Variants in DMKN observed in about 807,000 individuals in gnomAD.
DMKN encodes epidermis-specific secreted protein SK30/SK89.
Under a neutral mutation model 67.6 loss-of-function variants are expected in DMKN, and 58 were observed. The observed-to-expected ratio is 0.86, with a 90% CI of 0.69 to 1.07. The LOEUF (loss-of-function observed/expected upper bound fraction) is 1.07. Among genes scored for constraint, DMKN ranks in the 50% least tolerant of loss-of-function variants. The pLI is 0.00. For missense variants in DMKN, 596 were observed against 601.5 expected (o/e 0.99, Z 0.10); for synonymous variants, 240 against 232.3 (o/e 1.03, Z -0.30).
intron 7 of DMKN, 52 bp from the exon 8 acceptor site, chr19:35,506,038 G>C: frequency 6.2e-7 from 1 of 1,613,728 alleles, no homozygotes; most frequent in Non-Finnish European, 8.5e-7. Context: ...TTGTGAGCCA[G>C]AGTCGGGAGA....
chr19:35,511,361 C>G, intron 5 of DMKN, 50 bp downstream of exon 5: 1 of 1,602,360 alleles, frequency 6.2e-7, no homozygotes, highest in South Asian at 1.1e-5. Context: ...CCGGCAGGGA[C>G]CACTAGGGCC....
intron 3 of DMKN, 39 bp from the exon 4 acceptor site, chr19:35,511,852 G>A (rs1159769342): frequency 5.0e-6 from 8 of 1,590,940 alleles, no homozygotes; most frequent in Non-Finnish European, 6.9e-6. Context: ...GGGACGGTGA[G>A]TTTGGAGACG....
chr19:35,511,477 GCCGCCAC>G lies in DMKN; in HGVS notation c.845_851del (p.Ser282ThrfsTer93). 1.1e-6 allele frequency: 1 copy of G among 942,318 alleles called. No individual in the cohort carries two copies. The highest frequency in any genetic ancestry group is 1.4e-6 in the Non-Finnish European group (1 of 704,942). 58.4% of individuals were successfully genotyped at this position (942,318 alleles called of 1,614,324 possible). On this transcript the variant is annotated frameshift_variant, in exon 5 of 16. Transcript: ENST00000339686. LOFTEE classifies it high-confidence loss of function. ...TGTTGCCACTGCTGCCACCACTGCT[GCCGCCAC>G]TGCTGCCGCCACTGCTGCTGCCACT...
Position 35,509,966 on chromosome 19 carries a change from C to T in DMKN, c.988-5G>A. The T allele has an allele frequency of 6.2e-7, 1 of 1,614,082 alleles. No individual in the cohort carries two copies. The highest frequency in any genetic ancestry group is 8.5e-7 in the Non-Finnish European group (1 of 1,179,974). ...TTCATTCCCTGGCTTTTCACACTGC[C>T]GGGGAGAGAAAGGGGAGACTTTCCC... On this transcript the variant is annotated splice_region_variant and splice_polypyrimidine_tract_variant and intron_variant, in intron 6 of 15. Transcript: ENST00000339686.
At chr19:35,508,938 C>T (rs1054352839) in intron 7 of DMKN, among the ~76,000 whole-genome samples, 9 of 151,974 alleles carry the variant, frequency 5.9e-5, no homozygotes, top group Admixed American at 2.0e-4. Context: ...TAGAAAAGTC[C>T]GAGTGCAGTA....
At position 35,507,197 on chromosome 19, in the gene DMKN, CA is replaced by C. The variant is rs2069725571; in HGVS notation, c.1039-1212del. 2.6e-5 allele frequency: 10 copies of C among 384,640 alleles called. No homozygotes were observed. The Middle Eastern group carries it at 1.7e-3, about 66-fold the overall frequency. 23.8% of individuals were successfully genotyped at this position (384,640 alleles called of 1,614,324 possible). A position where few individuals can be genotyped will look rare whatever the true frequency, so the allele number is the denominator to read the frequency against. ...CCCTAAGTATGGAAATCCCCTTGACCATTCTTCTGTTACTTTTATCTGTTTT... is the reference window on the plus strand; with the variant it reads ...CCCTAAGTATGGAAATCCCCTTGACCTTCTTCTGTTACTTTTATCTGTTTT... On this transcript the variant is annotated intron_variant, in intron 7 of 15. Transcript: ENST00000339686.
chr19:35,507,429 A>G (rs2069785268), intron 7 of DMKN: 2 of 1,546,732 alleles, frequency 1.3e-6, no homozygotes, highest in South Asian at 2.4e-5. Flanking sequence ...CCTTCTCCTA[A>G]AGCCAACCCT....
chr19:35,511,504 GCCACTGCTGCTGCCA>G lies in DMKN; in HGVS notation c.810_824del (p.Gly271_Gly275del). The stretch of plus-strand genomic sequence containing the variant: ...CGCCACTGCTGCCGCCACTGCTGCT[GCCACTGCTGCTGCCA>G]CCACTGCTGCTGCCATTGTTGTTGT... On this transcript the variant is annotated inframe_deletion, in exon 5 of 16. Coordinates refer to ENST00000339686, the MANE Select transcript of DMKN (RefSeq NM_033317.5). The G allele has an allele frequency of 9.9e-4, 1,098 of 1,112,156 alleles. 12 individuals are homozygous for G. The East Asian group carries it at 0.041, about 42-fold the overall frequency. The allele number at this position is 1,112,156 out of a possible 1,614,324, so 68.9% of individuals were successfully genotyped here. A position where few individuals can be genotyped will look rare whatever the true frequency, so the allele number is the denominator to read the frequency against.
intron 11 of DMKN, 77 bp downstream of exon 11, chr19:35,502,059 G>A: frequency 6.2e-7 from 1 of 1,607,802 alleles, no homozygotes; most frequent in Non-Finnish European, 8.5e-7. Context: ...AAGAAACTGG[G>A]ACAGACACCT....
At chr19:35,508,403 G>T in intron 7 of DMKN, 1 of 717,972 alleles carries the variant, frequency 1.4e-6, no homozygotes. Flanking sequence ...GAAAGTTTAA[G>T]AATAGGTAAG....
Position 35,510,257 on chromosome 19 carries a change from A to G in DMKN, c.919-5T>C. Reference sequence around the variant, plus strand: ...GGAGGAGCCGGTGCTGGATCCCTGCAGGGGAAAGCAAGATTTCAAACGCTG... The same window carrying G: ...GGAGGAGCCGGTGCTGGATCCCTGCGGGGGAAAGCAAGATTTCAAACGCTG... On this transcript the variant is annotated splice_region_variant and splice_polypyrimidine_tract_variant and intron_variant, in intron 5 of 15. Coordinates refer to ENST00000339686, the MANE Select transcript of DMKN (RefSeq NM_033317.5). 6.3e-7 allele frequency: 1 copy of G among 1,599,626 alleles called. No individual in the cohort carries two copies.
Position 35,510,270 on chromosome 19 carries a change from AT to A in DMKN, c.919-19del, listed in dbSNP as rs2070494332. ...CTGGATCCCTGCAGGGGAAAGCAAG[AT>A]TTCAAACGCTGTCCTAAAGGACCTA... On this transcript the variant is annotated intron_variant, in intron 5 of 15. Coordinates refer to ENST00000339686, the MANE Select transcript of DMKN (RefSeq NM_033317.5). 6.3e-7 allele frequency: 1 copy of A among 1,593,838 alleles called. No individual in the cohort carries two copies. The highest frequency in any genetic ancestry group is 1.3e-5 in the African/African-American group (1 of 74,494).
intron 4 of DMKN, 51 bp from the exon 5 acceptor site, chr19:35,511,644 C>T (rs372111038): frequency 1.6e-5 from 25 of 1,596,326 alleles, no homozygotes; most frequent in African/African-American, 6.7e-5. Context: ...AGCACCAAGA[C>T]GGGCCCCTCC....
intron 13 of DMKN, among the ~76,000 whole-genome samples, chr19:35,499,649 T>A (rs1035922908): frequency 2.0e-5 from 3 of 152,168 alleles, no homozygotes; most frequent in African/African-American, 7.2e-5. Context: ...GCAGGTGTCA[T>A]GATTTTTTAA....
chr19:35,512,658 T>C lies in DMKN; in HGVS notation c.559A>G (p.Asn187Asp), dbSNP rs778791883. ...TGACCCCAGGGAGCTCCCTGAGGATTCATTCCAAAGCTGCCTGCTGAGTTT... is the reference window on the plus strand; with the variant it reads ...TGACCCCAGGGAGCTCCCTGAGGATCCATTCCAAAGCTGCCTGCTGAGTTT... ...PGNSAGSFGMNPQGAPWGQGG... is the reference protein window; with the variant it reads ...PGNSAGSFGMDPQGAPWGQGG... Residue 187 changes from asparagine to aspartate, a missense_variant, in exon 2 of 16, where the codon AAT (asparagine) becomes GAT (aspartate). By Grantham distance (23) the Asn-to-Asp change is conservative (BLOSUM62 1). Transcript: ENST00000339686. 3 of 1,614,166 alleles carry C rather than the reference T, an allele frequency of 1.9e-6. No individual in the cohort carries two copies. Among genetic ancestry groups the C allele is most frequent in the Non-Finnish European group, 2.5e-6 (3 of 1,180,020 alleles).
intron 12 of DMKN, 112 bp from the exon 13 acceptor site, chr19:35,500,141 G>T (rs11666154): frequency 0.53 from 676,043 of 1,283,466 alleles, 183,663 homozygotes; most frequent in African/African-American, 0.83. Flanking sequence ...ACACCTGCCT[G>T]CTCCCCTCCT....
Position 35,513,563 on chromosome 19 carries a change from C to T in DMKN, c.-88G>A. On this transcript the variant is annotated 5_prime_UTR_variant, in exon 1 of 16. Transcript: ENST00000339686. ...CCTTGCTCTGCGTCTCTGTGCCCTC[C>T]TCTGTCCTCCTCCTTCCGACTCCCT... The T allele has an allele frequency of 1.4e-6, 2 of 1,456,994 alleles. No homozygotes were observed. Among genetic ancestry groups the T allele is most frequent in the Non-Finnish European group, 1.8e-6 (2 of 1,102,642 alleles). The allele number at this position is 1,456,994 out of a possible 1,614,324, so 90.3% of individuals were successfully genotyped here. A position where few individuals can be genotyped will look rare whatever the true frequency, so the allele number is the denominator to read the frequency against.
chr19:35,498,933 T>C, intron 13 of DMKN, 36 bp from the exon 14 acceptor site: 1 of 1,614,144 alleles, frequency 6.2e-7, no homozygotes, highest in Non-Finnish European at 8.5e-7. Context: ...TGTGGGGTCA[T>C]GGCCTCCCTG....
At chr19:35,512,534 G>T in intron 2 of DMKN, 56 bp downstream of exon 2, 1 of 1,614,062 alleles carries the variant, frequency 6.2e-7, no homozygotes, top group Non-Finnish European at 8.5e-7. Context: ...GGCACGCGGA[G>T]CATGTGGGCT....
Sources: allele counts gnomAD v4.1 joint callset (sites outside exome capture counted in the v4.1 genomes callset), GRCh38; gene constraint gnomAD v4.1.1; transcripts MANE v1.5; gene names NCBI Gene and HGNC (gene_info 2026-07-23, HGNC 2026-07-21).